Variants in DMD observed in about 807,000 individuals in gnomAD.
DMD encodes mutant dystrophin.
Under a neutral mutation model 330.1 loss-of-function variants are expected in DMD, and 63 were observed. The ratio of observed to expected loss-of-function variants is 0.19; its 90% CI spans 0.16 to 0.24. The LOEUF is 0.24. Ranked by LOEUF, DMD falls within the 10% of genes least tolerant of loss-of-function variation. The pLI is 1.00. For missense variants in DMD, 3,344 were observed against 2,684.1 expected, an observed-to-expected ratio of 1.25 and a Z score of -5.43; for synonymous variants, 1,223 against 959.8, an observed-to-expected ratio of 1.27 and a Z score of -5.07.
At chrX:32,207,155 T>C (rs894638392) in intron 44 of DMD, among the ~76,000 whole-genome samples, 2 of 111,747 alleles carry the variant, frequency 1.8e-5, no homozygotes, top group African/African-American at 6.5e-5. Flanking sequence ...ATCACTACTA[T>C]GGTTTCAATG....
intron 67 of DMD, among the ~76,000 whole-genome samples, chrX:31,187,741 GA>G: frequency 3.7e-5 from 1 of 27,176 alleles, no homozygotes; most frequent in Admixed American, 3.3e-4. Context: ...GAGAGAGAGA[GA>G]GAGAGAGAGA....
At chrX:32,976,330 T>C (rs1197199503) in intron 2 of DMD, among the ~76,000 whole-genome samples, 2 of 110,917 alleles carry the variant, frequency 1.8e-5, no homozygotes, top group Non-Finnish European at 3.8e-5. Context: ...CCATAACGGA[T>C]GGAAAGGTGC....
At chrX:33,168,098 AGCGTGTGTGCAT>A (rs1222611065) in intron 1 of DMD, among the ~76,000 whole-genome samples, 1 of 109,428 alleles carries the variant, frequency 9.1e-6, no homozygotes, top group Non-Finnish European at 1.9e-5. Context: ...ATGGAAGAGT[AGCGTGTGTGCAT>A]GTGTGTGTGT....
At chrX:32,457,390 G>A (rs982010294) in intron 25 of DMD, among the ~76,000 whole-genome samples, 1 of 110,758 alleles carries the variant, frequency 9.0e-6, no homozygotes, top group African/African-American at 3.3e-5. Flanking sequence ...AGAGATTGTT[G>A]TCCAATTGAG....
intron 37 of DMD, among the ~76,000 whole-genome samples, chrX:32,351,022 C>T (rs1003373216): frequency 1.8e-5 from 2 of 110,977 alleles, no homozygotes; most frequent in African/African-American, 6.5e-5. Flanking sequence ...CCTCATTGAA[C>T]CTCAGTTTCT....
chrX:33,023,640 T>C lies in DMD; in HGVS notation c.32-3440A>G, dbSNP rs977510175. ...CTGTATGTTCCTATTTTTGTCAAAATACTTGTTTACATCCTGGCTCATTTA... is the reference window on the plus strand; with the variant it reads ...CTGTATGTTCCTATTTTTGTCAAAACACTTGTTTACATCCTGGCTCATTTA... On this transcript the variant is annotated intron_variant, in intron 1 of 78. Coordinates refer to ENST00000357033, the MANE Select transcript of DMD (RefSeq NM_004006.3). Among the ~76,000 whole-genome samples, 13 of 112,159 alleles carry C rather than the reference T, an allele frequency of 1.2e-4. 1 individual carries two copies. The highest frequency in any genetic ancestry group is 6.6e-4 in the Admixed American group (7 of 10,551).
intron 59 of DMD, among the ~76,000 whole-genome samples, chrX:31,458,833 G>C (rs759749705): frequency 1.8e-5 from 2 of 110,219 alleles, no homozygotes; most frequent in East Asian, 5.7e-4. Flanking sequence ...CCAAACCCTA[G>C]GCAGTTTTAT....
intron 45 of DMD, among the ~76,000 whole-genome samples, chrX:31,959,860 G>GCAA (rs2095285224): frequency 9.5e-6 from 1 of 105,358 alleles, no homozygotes. Context: ...CGCCTCCCGG[G>GCAA]TTCGAGCAAC....
At chrX:32,567,635 G>A (rs933953979) in intron 15 of DMD, among the ~76,000 whole-genome samples, 1 of 112,522 alleles carries the variant, frequency 8.9e-6, no homozygotes, top group Admixed American at 9.4e-5. Context: ...GACCTCAAGT[G>A]ATCCACCCGC....
chrX:32,573,180 C>T (rs992850557), intron 15 of DMD, among the ~76,000 whole-genome samples: 2 of 111,900 alleles, frequency 1.8e-5, no homozygotes, highest in Non-Finnish European at 3.8e-5. Context: ...GTAACTCTCA[C>T]ATATTATTCT....
At chrX:31,480,350 C>A (rs895826750) in intron 57 of DMD, among the ~76,000 whole-genome samples, 21 of 111,606 alleles carry the variant, frequency 1.9e-4, no homozygotes, top group Non-Finnish European at 3.8e-4. Context: ...CAGCTATTTA[C>A]AATTCAATAG....
intron 55 of DMD, among the ~76,000 whole-genome samples, chrX:31,530,117 T>C (rs1392072334): frequency 8.9e-6 from 1 of 111,766 alleles, no homozygotes; most frequent in East Asian, 2.8e-4. Flanking sequence ...AGATTTTATG[T>C]TTAAAAAAAT....
intron 60 of DMD, among the ~76,000 whole-genome samples, chrX:31,422,013 A>ACACATATATATATG (rs1229444130): frequency 6.3e-5 from 4 of 63,887 alleles, no homozygotes; most frequent in Admixed American, 1.8e-4. Flanking sequence ...ATATATATAT[A>ACACATATATATATG]TATAAACACA....
chrX:32,619,854 G>C lies in DMD; in HGVS notation c.1332-5401C>G, dbSNP rs767661989. Reference sequence around the variant, plus strand: ...CCGGAACTGGAAGAAAAAAGGAAGAGAGCTGTTGCCGGAGCTCAGTGAGAA... The same window carrying C: ...CCGGAACTGGAAGAAAAAAGGAAGACAGCTGTTGCCGGAGCTCAGTGAGAA... On this transcript the variant is annotated intron_variant, in intron 11 of 78. Transcript: ENST00000357033. Among the ~76,000 whole-genome samples, 6 of 111,869 alleles carry C rather than the reference G, an allele frequency of 5.4e-5. No homozygotes were observed. The East Asian group carries it at 1.4e-3, about 26-fold the overall frequency.
At chrX:32,119,968 TG>T (rs753316827) in intron 44 of DMD, among the ~76,000 whole-genome samples, 22 of 112,112 alleles carry the variant, frequency 2.0e-4, no homozygotes, top group Admixed American at 1.9e-3. Flanking sequence ...AACTAGGAGC[TG>T]GTTGAAGGGA....
chrX:31,652,388 T>C (rs998220289), intron 54 of DMD, among the ~76,000 whole-genome samples: 1 of 111,841 alleles, frequency 8.9e-6, no homozygotes, highest in African/African-American at 3.2e-5. Context: ...CAACTTCTGC[T>C]TCCAAGAATA....
intron 2 of DMD, among the ~76,000 whole-genome samples, chrX:32,953,594 TGAGAA>T (rs1191594595): frequency 2.7e-5 from 3 of 111,788 alleles, no homozygotes; most frequent in South Asian, 3.7e-4. Context: ...ACAAGGAGCT[TGAGAA>T]GAGAAAATAA....
chrX:32,924,290 G>A (rs990228972), intron 2 of DMD, among the ~76,000 whole-genome samples: 10 of 111,627 alleles, frequency 9.0e-5, no homozygotes, highest in African/African-American at 3.3e-4. Flanking sequence ...CACTTTGGGA[G>A]GCTGAGGCGG....
chrX:32,091,485 T>C (rs896296155), intron 44 of DMD, among the ~76,000 whole-genome samples: 3 of 111,204 alleles, frequency 2.7e-5, no homozygotes, highest in African/African-American at 9.8e-5. Context: ...ATCCCTATTT[T>C]AGAATACTCA....
Sources: gnomAD v4.1 joint callset for allele counts (sites outside exome capture counted in the v4.1 genomes callset) on GRCh38, gnomAD v4.1.1 for gene constraint, MANE v1.5 for transcripts, NCBI Gene and HGNC (gene_info 2026-07-23, HGNC 2026-07-21) for gene names.